Variants in RUNX2 observed in about 807,000 individuals in gnomAD.
RUNX2 encodes runt-related transcription factor 2.
Under a neutral mutation model 51.7 loss-of-function variants are expected in RUNX2, and 10 were observed. The ratio of observed to expected loss-of-function variants is 0.19; its 90% CI spans 0.12 to 0.33. The LOEUF is 0.33. Ranked by LOEUF, RUNX2 falls within the 10% of genes least tolerant of loss-of-function variation. The pLI is 1.00. For missense variants in RUNX2, 562 were observed against 691.3 expected (o/e 0.81, Z 2.10); for synonymous variants, 276 against 273.6 (o/e 1.01, Z -0.09).
intron 2 of RUNX2, among the ~76,000 whole-genome samples, chr6:45,350,479 A>G (rs1219546961): frequency 6.6e-6 from 1 of 152,230 alleles, no homozygotes; most frequent in Non-Finnish European, 1.5e-5. Flanking sequence ...CAAAGGAAGC[A>G]GGGAATTGGT....
chr6:45,548,942 C>A lies in RUNX2; in HGVS notation c.*1637C>A. On this transcript the variant is annotated 3_prime_UTR_variant, in exon 9 of 9. Transcript: ENST00000647337. ...GGTCCTCTGAAAAGGCAGCAGGTTC[C>A]AGCAGGTAGCTGAGCTGAGAGGACA... The A allele has an allele frequency of 2.5e-6, 1 of 393,372 alleles. No homozygotes were observed. The allele number at this position is 393,372 out of a possible 1,614,324, so 24.4% of individuals were successfully genotyped here.
intron 7 of RUNX2, among the ~76,000 whole-genome samples, chr6:45,543,254 A>G (rs771726620): frequency 1.6e-4 from 25 of 152,178 alleles, no homozygotes; most frequent in Admixed American, 4.6e-4. Flanking sequence ...GGCACATACC[A>G]TTTTGAAACT....
At chr6:45,386,722 A>T (rs1403365269) in intron 2 of RUNX2, among the ~76,000 whole-genome samples, 3 of 152,202 alleles carry the variant, frequency 2.0e-5, no homozygotes, top group Non-Finnish European at 1.5e-5. Context: ...CAAAATGAGG[A>T]AGGATAATTT....
At chr6:45,434,918 A>G (rs1042134341) in intron 4 of RUNX2, among the ~76,000 whole-genome samples, 2 of 152,214 alleles carry the variant, frequency 1.3e-5, no homozygotes, top group Non-Finnish European at 2.9e-5. Flanking sequence ...TAAGAGGTGC[A>G]TTATTATTAT....
intron 2 of RUNX2, among the ~76,000 whole-genome samples, chr6:45,329,777 G>T (rs1047268283): frequency 6.6e-6 from 1 of 151,920 alleles, no homozygotes; most frequent in Admixed American, 6.6e-5. Flanking sequence ...ATATGTAAAT[G>T]ACTTTAACAT....
intron 2 of RUNX2, among the ~76,000 whole-genome samples, chr6:45,413,996 G>A (rs1221720143): frequency 3.3e-5 from 5 of 152,090 alleles, no homozygotes; most frequent in Admixed American, 6.5e-5. Flanking sequence ...TCTGAAAAAT[G>A]AAATTGAATA....
intron 6 of RUNX2, among the ~76,000 whole-genome samples, chr6:45,499,048 T>C (rs1800727757): frequency 6.6e-6 from 1 of 152,040 alleles, no homozygotes; most frequent in South Asian, 2.1e-4. Flanking sequence ...GTACCATCAG[T>C]GTGGGTATGG....
intron 7 of RUNX2, among the ~76,000 whole-genome samples, chr6:45,544,078 G>T (rs1042512778): frequency 6.6e-6 from 1 of 151,690 alleles, no homozygotes; most frequent in African/African-American, 2.4e-5. Flanking sequence ...TCTATTGTTT[G>T]TAAGTTGAAA....
intron 2 of RUNX2, among the ~76,000 whole-genome samples, chr6:45,338,290 T>C (rs1464982065): frequency 6.6e-6 from 1 of 151,996 alleles, no homozygotes; most frequent in Non-Finnish European, 1.5e-5. Context: ...TCACTGCAGA[T>C]TGTTCTCTCA....
At chr6:45,362,389 T>C (rs1463829477) in intron 2 of RUNX2, among the ~76,000 whole-genome samples, 1 of 152,188 alleles carries the variant, frequency 6.6e-6, no homozygotes, top group African/African-American at 2.4e-5. Context: ...GGCTTAGAAC[T>C]ATGAACAGCA....
intron 5 of RUNX2, among the ~76,000 whole-genome samples, chr6:45,442,619 C>T (rs893238360): frequency 6.6e-6 from 1 of 152,172 alleles, no homozygotes; most frequent in South Asian, 2.1e-4. Flanking sequence ...ACATAGGATA[C>T]TTTAAATTCT....
At chr6:45,457,097 G>T (rs1280979304) in intron 5 of RUNX2, among the ~76,000 whole-genome samples, 1 of 152,126 alleles carries the variant, frequency 6.6e-6, no homozygotes, top group Non-Finnish European at 1.5e-5. Context: ...GCAAAAGTAA[G>T]TAGGAATCAG....
intron 4 of RUNX2, among the ~76,000 whole-genome samples, chr6:45,435,344 T>C (rs1438945783): frequency 6.6e-6 from 1 of 152,208 alleles, no homozygotes; most frequent in African/African-American, 2.4e-5. Context: ...AATAAATTTA[T>C]GGACAATCTA....
intron 7 of RUNX2, among the ~76,000 whole-genome samples, chr6:45,519,941 C>T (rs1472515217): frequency 6.6e-6 from 1 of 151,748 alleles, no homozygotes; most frequent in Non-Finnish European, 1.5e-5. Flanking sequence ...AATTCTCTTG[C>T]CTCACCCTCC....
chr6:45,425,543 A>G (rs1209243305), intron 3 of RUNX2, among the ~76,000 whole-genome samples: 1 of 152,214 alleles, frequency 6.6e-6, no homozygotes, highest in African/African-American at 2.4e-5. Flanking sequence ...CTGACTGTCA[A>G]TGTCTTTCTA....
chr6:45,422,598 A>C lies in RUNX2; in HGVS notation c.64A>C (p.Ser22Arg). 1 of 1,593,096 alleles carries C rather than the reference A, an allele frequency of 6.3e-7. No homozygotes were observed. ...PCQQNFFWDPSTSRRFSPPSS... is the reference protein window; with the variant it reads ...PCQQNFFWDPRTSRRFSPPSS... ...TGTGATGCGTATTCCCGTAGATCCG[A>C]GCACCAGCCGGCGCTTCAGCCCCCC... The change falls in exon 3 of 9, where the codon AGC (serine) becomes CGC (arginine). Residue 22 changes from serine (S) to arginine (R), a missense_variant. By Grantham distance (110) the Ser-to-Arg change is moderately radical. Transcript: ENST00000647337.
At chr6:45,531,213 G>A (rs1194325070) in intron 7 of RUNX2, among the ~76,000 whole-genome samples, 1 of 152,142 alleles carries the variant, frequency 6.6e-6, no homozygotes, top group Non-Finnish European at 1.5e-5. Flanking sequence ...TTGCTACAAA[G>A]GCCTGTTGGC....
intron 2 of RUNX2, among the ~76,000 whole-genome samples, chr6:45,350,980 G>C (rs1791887808): frequency 6.6e-6 from 1 of 152,106 alleles, no homozygotes; most frequent in African/African-American, 2.4e-5. Flanking sequence ...CGACCCTATA[G>C]TGAACTGCAC....
At chr6:45,513,440 T>G (rs545900413) in intron 7 of RUNX2, 2 of 152,262 alleles carry the variant, frequency 1.3e-5, no homozygotes, top group Non-Finnish European at 2.9e-5. Context: ...CTCTCTCATT[T>G]TCTGCAAAGC....
Sources: gnomAD v4.1 joint callset for allele counts (sites outside exome capture counted in the v4.1 genomes callset) on GRCh38, gnomAD v4.1.1 for gene constraint, MANE v1.5 for transcripts, NCBI Gene and HGNC (gene_info 2026-07-23, HGNC 2026-07-21) for gene names.